Variants in C19orf12 observed in about 807,000 individuals in gnomAD.
C19orf12 encodes the protein protein C19orf12.
Under a neutral mutation model 3.8 loss-of-function variants are expected in C19orf12, and 2 were observed. The ratio of observed to expected loss-of-function variants is 0.53; its 90% CI spans 0.22 to 1.66. C19orf12 has a LOEUF of 1.66. Ranked by LOEUF, C19orf12 falls within the 40% of genes most tolerant of loss-of-function variation. C19orf12 has a pLI of 0.20. For synonymous variants in C19orf12, 89 were observed against 84.6 expected (o/e 1.05, Z -0.28); for missense variants, 156 against 188.8 (o/e 0.83, Z 1.02).
Position 29,702,201 on chromosome 19 carries a change from G to A in C19orf12, c.*511C>T, listed in dbSNP as rs893083594. The A allele has an allele frequency of 2.9e-5, 13 of 454,136 alleles. No homozygotes were observed. The highest frequency in any genetic ancestry group is 4.8e-5 in the Non-Finnish European group (11 of 226,900). The allele number at this position is 454,136 out of a possible 1,614,324, so 28.1% of individuals were successfully genotyped here. A position where few individuals can be genotyped will look rare whatever the true frequency, so the allele number is the denominator to read the frequency against. ...GGCCATTCGACAGTCCCTGGGTAGGGGACGGTTGCACTAGGAGGTAAACAT... is the reference window on the plus strand; with the variant it reads ...GGCCATTCGACAGTCCCTGGGTAGGAGACGGTTGCACTAGGAGGTAAACAT... On this transcript the variant is annotated 3_prime_UTR_variant, in exon 3 of 3. Transcript: ENST00000323670.
chr19:29,706,445 G>A (rs545276130), intron 2 of C19orf12, among the ~76,000 whole-genome samples: 9 of 152,226 alleles, frequency 5.9e-5, no homozygotes, highest in East Asian at 1.9e-4. Context: ...TGAATCCCCC[G>A]GGCTCTCTTA....
intron 1 of C19orf12, among the ~76,000 whole-genome samples, chr19:29,710,399 A>T (rs1972606812): frequency 6.6e-6 from 1 of 152,096 alleles, no homozygotes; most frequent in Non-Finnish European, 1.5e-5. Context: ...TAGACCTGTG[A>T]TTCTCCACAA....
intron 1 of C19orf12, among the ~76,000 whole-genome samples, chr19:29,710,775 C>T (rs1008431532): frequency 6.6e-6 from 1 of 152,196 alleles, no homozygotes; most frequent in Admixed American, 6.5e-5. Flanking sequence ...TGCCCAGCTC[C>T]TTTGCTTGCT....
In C19orf12 at chr19:29,701,039, G is replaced by C. The variant is rs894087640; in HGVS notation, c.*1673C>G. ...CCAAAAGTGCCGACATTACAAGCATGAGCCACCTCACCTGACCTACTCTTG... is the reference window on the plus strand; with the variant it reads ...CCAAAAGTGCCGACATTACAAGCATCAGCCACCTCACCTGACCTACTCTTG... On this transcript the variant is annotated 3_prime_UTR_variant, in exon 3 of 3. Transcript: ENST00000323670. The C allele has an allele frequency of 2.2e-6, 1 of 454,106 alleles. No individual in the cohort carries two copies. 28.1% of individuals were successfully genotyped at this position (454,106 alleles called of 1,614,324 possible). A position where few individuals can be genotyped will look rare whatever the true frequency, so the allele number is the denominator to read the frequency against.
chr19:29,703,749 G>T (rs1972236307), intron 2 of C19orf12, among the ~76,000 whole-genome samples: 1 of 152,058 alleles, frequency 6.6e-6, no homozygotes, highest in South Asian at 2.1e-4. Flanking sequence ...TCAGCAATTT[G>T]GGAGGCCAGG....
Position 29,707,136 on chromosome 19 carries a change from C to A in C19orf12, c.160+1118G>T, listed in dbSNP as rs576790759. Among the ~76,000 whole-genome samples the A allele has an allele frequency of 8.5e-5, 13 of 152,290 alleles. 1 individual carries two copies. Among genetic ancestry groups the A allele is most frequent in the African/African-American group, 3.1e-4 (13 of 41,564 alleles). ...CTTCGGGAGGCCCAGGCGGGTGGAT[C>A]GCTTGTGGCCAGGAGTTTGAGACCA... is the stretch of plus-strand genomic sequence containing the variant. On this transcript the variant is annotated intron_variant, in intron 2 of 2. Transcript: ENST00000323670.
At chr19:29,711,273 C>A (rs935999383) in intron 1 of C19orf12, among the ~76,000 whole-genome samples, 5 of 152,280 alleles carry the variant, frequency 3.3e-5, no homozygotes, top group Admixed American at 3.3e-4. Flanking sequence ...CTCCTGGCCT[C>A]AGGTGATCTG....
intron 1 of C19orf12, chr19:29,708,626 T>C (rs1295732114): frequency 6.2e-6 from 4 of 647,090 alleles, no homozygotes; most frequent in Admixed American, 4.5e-5. Context: ...AATAAGCAAA[T>C]AGCAGCAGCT....
intron 2 of C19orf12, among the ~76,000 whole-genome samples, chr19:29,706,844 G>C (rs1337708797): frequency 1.1e-4 from 16 of 152,230 alleles, no homozygotes; most frequent in Admixed American, 1.0e-3. Context: ...CGGCCAGCGA[G>C]CTGGGGAACG....
rs979278819 is a variant in C19orf12, at chr19:29,699,183, A to G, written c.*3529T>C. 8 of 453,814 alleles carry G rather than the reference A, an allele frequency of 1.8e-5. No individual in the cohort carries two copies. In the Admixed American group the frequency reaches 1.9e-4, roughly 11 times the overall value. The allele number at this position is 453,814 out of a possible 1,614,324, so 28.1% of individuals were successfully genotyped here. On this transcript the variant is annotated 3_prime_UTR_variant, in exon 3 of 3. Transcript: ENST00000323670. ...GCAAGTACGTTAGAAATATACATACATAGGCCGGGCGCAGTGGCTCACGCC... is the reference window on the plus strand; with the variant it reads ...GCAAGTACGTTAGAAATATACATACGTAGGCCGGGCGCAGTGGCTCACGCC...
chr19:29,709,009 G>A (rs796679611), intron 1 of C19orf12, among the ~76,000 whole-genome samples: 1 of 152,222 alleles, frequency 6.6e-6, no homozygotes, highest in Non-Finnish European at 1.5e-5. Flanking sequence ...AGTGCCTGGC[G>A]TAAGTCTGGA....
chr19:29,715,357 G>C (rs1367318485), upstream of C19orf12: 2 of 393,954 alleles, frequency 5.1e-6, no homozygotes, highest in South Asian at 3.4e-5. Flanking sequence ...CCGGCCTTAG[G>C]GGGAGCCGGG....
chr19:29,710,396 G>A (rs1362411638), intron 1 of C19orf12, among the ~76,000 whole-genome samples: 1 of 152,134 alleles, frequency 6.6e-6, no homozygotes, highest in Non-Finnish European at 1.5e-5. Context: ...CATTAGACCT[G>A]TGATTCTCCA....
At position 29,705,697 on chromosome 19, in the gene C19orf12, C is replaced by T. The variant is rs745767457; in HGVS notation, c.160+2557G>A. On this transcript the variant is annotated intron_variant, in intron 2 of 2. Transcript: ENST00000323670. ...GGCTAATTTTTTTTTTATTATTTTTCGTAGAGACGGGGTCTCATTATGTTG... is the reference window on the plus strand; with the variant it reads ...GGCTAATTTTTTTTTTATTATTTTTTGTAGAGACGGGGTCTCATTATGTTG... 5.0e-4 allele frequency among the ~76,000 whole-genome samples: 76 copies of T among 151,494 alleles called. 1 individual carries two copies. Among genetic ancestry groups the T allele is most frequent in the Non-Finnish European group, 8.3e-4 (56 of 67,854 alleles).
intron 1 of C19orf12, among the ~76,000 whole-genome samples, chr19:29,711,634 C>G (rs570559206): frequency 6.6e-6 from 1 of 152,222 alleles, no homozygotes; most frequent in South Asian, 2.1e-4. Flanking sequence ...CACCCAGACA[C>G]CACTCCCAAA....
chr19:29,703,062 T>C, intron 2 of C19orf12, 85 bp from the exon 3 acceptor site: 1 of 1,571,046 alleles, frequency 6.4e-7, no homozygotes, highest in Non-Finnish European at 8.8e-7. Flanking sequence ...CACACCACCA[T>C]CACCATGAGC....
chr19:29,706,134 G>A (rs1281662067), intron 2 of C19orf12, among the ~76,000 whole-genome samples: 2 of 152,200 alleles, frequency 1.3e-5, no homozygotes, highest in East Asian at 3.8e-4. Context: ...AATGCCACAC[G>A]CAGACAGGGT....
chr19:29,700,745 G>A lies in C19orf12; in HGVS notation c.*1967C>T, dbSNP rs770889118. On this transcript the variant is annotated 3_prime_UTR_variant, in exon 3 of 3. Transcript: ENST00000323670. ...CAATCGCTCTGCAAGAGAAAGGCTC[G>A]GCCCTTCCTTAATCACCATGGGTTA... 15 of 454,088 alleles carry A rather than the reference G, an allele frequency of 3.3e-5. No individual in the cohort carries two copies. The highest frequency in any genetic ancestry group is 1.6e-4 in the African/African-American group (8 of 50,112). 28.1% of individuals were successfully genotyped at this position (454,088 alleles called of 1,614,324 possible).
At chr19:29,705,401 CCAAAA>C in intron 2 of C19orf12, 1 of 68,640 alleles carries the variant, frequency 1.5e-5, no homozygotes, top group Non-Finnish European at 2.5e-5. Context: ...GATCCTGAAA[CCAAAA>C]AAAAAAAAAA....
Sources: gnomAD v4.1 joint callset for allele counts (sites outside exome capture counted in the v4.1 genomes callset) on GRCh38, gnomAD v4.1.1 for gene constraint, MANE v1.5 for transcripts, NCBI Gene and HGNC (gene_info 2026-07-23, HGNC 2026-07-21) for gene names.